FRMD4A: variants seen among roughly 807,000 people sequenced by gnomAD.
FRMD4A encodes FERM domain-containing protein 4A.
A neutral mutation model predicts 129.1 loss-of-function variants in FRMD4A; 29 were observed. The ratio of observed to expected loss-of-function variants is 0.22; its 90% CI spans 0.17 to 0.31. The LOEUF (loss-of-function observed/expected upper bound fraction) is 0.31. FRMD4A is among the 10% of genes least tolerant of loss of function. The probability of loss-of-function intolerance (pLI) is 1.00; values close to 1 mark genes in which losing one functional copy is unlikely to be tolerated. For synonymous variants in FRMD4A, 634 were observed against 571.6 expected, an observed-to-expected ratio of 1.11 and a Z score of -1.56; for missense variants, 1,272 against 1,375.8, an observed-to-expected ratio of 0.92 and a Z score of 1.19.
chr10:13,709,961 G>A (rs1200834322), intron 12 of FRMD4A, among the ~76,000 whole-genome samples: 1 of 152,058 alleles, frequency 6.6e-6, no homozygotes, highest in African/African-American at 2.4e-5. Flanking sequence ...TGATTTATGA[G>A]ATTTTGGTGT....
chr10:13,815,767 C>T (rs2093532540), intron 3 of FRMD4A, among the ~76,000 whole-genome samples: 1 of 152,170 alleles, frequency 6.6e-6, no homozygotes, highest in Non-Finnish European at 1.5e-5. Context: ...ATTTATACAT[C>T]AGTACTTTCA....
intron 8 of FRMD4A, among the ~76,000 whole-genome samples, chr10:13,757,483 T>C (rs1219875921): frequency 1.3e-5 from 2 of 152,266 alleles, no homozygotes; most frequent in Admixed American, 1.3e-4. Context: ...ATCATCTATC[T>C]AGATAACAGT....
At chr10:14,286,733 C>A (rs1845691906) in intron 2 of FRMD4A, among the ~76,000 whole-genome samples, 1 of 152,080 alleles carries the variant, frequency 6.6e-6, no homozygotes, top group African/African-American at 2.4e-5. Flanking sequence ...AGTATGAAAA[C>A]CCTGCATGTG....
intron 2 of FRMD4A, among the ~76,000 whole-genome samples, chr10:14,067,309 C>T (rs1034244171): frequency 6.6e-6 from 1 of 151,766 alleles, no homozygotes; most frequent in Non-Finnish European, 1.5e-5. Flanking sequence ...GAGAGAGAGA[C>T]TCCCTCTCAA....
chr10:14,294,413 A>G (rs10906647), intron 2 of FRMD4A, among the ~76,000 whole-genome samples: 49,081 of 152,090 alleles, frequency 0.32, 8,307 homozygotes, highest in Middle Eastern at 0.37. Context: ...AAGGCTTGAC[A>G]TAGATACAAT....
chr10:13,997,624 C>CTTT (rs775846641), intron 2 of FRMD4A, among the ~76,000 whole-genome samples: 8 of 86,152 alleles, frequency 9.3e-5, no homozygotes, highest in African/African-American at 2.1e-4. Flanking sequence ...CTTTTCTTTT[C>CTTT]TTTTTTTTTT....
chr10:13,782,970 A>T lies in FRMD4A; in HGVS notation c.336T>A (p.Asn112Lys). 1.3e-6 allele frequency: 2 copies of T among 1,511,496 alleles called. No individual in the cohort carries two copies. The highest frequency in any genetic ancestry group is 1.8e-6 in the Non-Finnish European group (2 of 1,086,160). 93.6% of individuals were successfully genotyped at this position (1,511,496 alleles called of 1,614,324 possible). A position where few individuals can be genotyped will look rare whatever the true frequency, so the allele number is the denominator to read the frequency against. The stretch of plus-strand genomic sequence containing the variant: ...TCAGAAAGAAAAGCTCAATGGTAGC[A>T]TTATCCTTCAGGTATGAAATGCTTT... ...YIESISYLKD[N>K]ATIELFFLNA... Residue 112 changes from asparagine (N) to lysine (K), a missense_variant, in exon 6 of 25, where the codon AAT becomes AAA. This residue lies in a region of FRMD4A where 300 missense variants were observed against 483.6 expected (regional missense o/e 0.62). Transcript: ENST00000357447.
At chr10:14,154,027 C>T (rs1402577149) in intron 2 of FRMD4A, among the ~76,000 whole-genome samples, 1 of 152,112 alleles carries the variant, frequency 6.6e-6, no homozygotes, top group African/African-American at 2.4e-5. Context: ...CCCTGCTTGG[C>T]CTCTTAGCTC....
chr10:13,701,508 C>G (rs780523590), intron 13 of FRMD4A, 30 bp from the exon 14 acceptor site: 8 of 1,601,468 alleles, frequency 5.0e-6, no homozygotes, highest in Non-Finnish European at 6.0e-6. Flanking sequence ...AAGGTTCAAT[C>G]CCATTTCTGT....
chr10:13,985,493 G>C (rs1207464486), intron 2 of FRMD4A, among the ~76,000 whole-genome samples: 1 of 152,242 alleles, frequency 6.6e-6, no homozygotes, highest in Non-Finnish European at 1.5e-5. Context: ...GTGGGTGTGA[G>C]TTCAGGTCAG....
intron 2 of FRMD4A, among the ~76,000 whole-genome samples, chr10:13,961,892 G>T (rs369608987): frequency 1.3e-4 from 20 of 152,218 alleles, no homozygotes; most frequent in African/African-American, 4.3e-4. Context: ...CATAGAGGGT[G>T]TTCATTAATT....
intron 2 of FRMD4A, among the ~76,000 whole-genome samples, chr10:14,255,812 C>A (rs1046051519): frequency 2.6e-5 from 4 of 152,028 alleles, no homozygotes; most frequent in African/African-American, 9.7e-5. Flanking sequence ...TCAAGACCAG[C>A]CTGACCAACA....
chr10:14,063,334 C>T (rs1360804816), intron 2 of FRMD4A, among the ~76,000 whole-genome samples: 1 of 152,142 alleles, frequency 6.6e-6, no homozygotes, highest in African/African-American at 2.4e-5. Context: ...TCAGATTCTT[C>T]CTCTAGCTTC....
At chr10:14,120,290 T>C (rs774712499) in intron 2 of FRMD4A, among the ~76,000 whole-genome samples, 3 of 152,068 alleles carry the variant, frequency 2.0e-5, no homozygotes, top group African/African-American at 4.8e-5. Context: ...CTCTGCCTAG[T>C]TTATTTCTTT....
intron 2 of FRMD4A, among the ~76,000 whole-genome samples, chr10:14,112,136 T>C (rs1411189828): frequency 6.6e-6 from 1 of 152,090 alleles, no homozygotes; most frequent in Non-Finnish European, 1.5e-5. Context: ...GTGAGCAGAC[T>C]CATTTGTCAG....
intron 2 of FRMD4A, among the ~76,000 whole-genome samples, chr10:14,245,869 T>A (rs555587445): frequency 6.6e-6 from 1 of 152,258 alleles, no homozygotes; most frequent in Middle Eastern, 3.4e-3. Flanking sequence ...AGCAAACTCA[T>A]ACAAGCTCCT....
At chr10:13,868,075 G>A (rs1409145299) in intron 2 of FRMD4A, among the ~76,000 whole-genome samples, 2 of 150,010 alleles carry the variant, frequency 1.3e-5, no homozygotes, top group South Asian at 2.1e-4. Context: ...GCAACATAGT[G>A]AGACCCCATC....
intron 5 of FRMD4A, among the ~76,000 whole-genome samples, chr10:13,783,547 A>ATT (rs57973701): frequency 6.9e-5 from 10 of 145,916 alleles, no homozygotes; most frequent in African/African-American, 1.5e-4. Flanking sequence ...ACCACGCCTA[A>ATT]TTTTTTTTTT....
chr10:14,000,364 G>A (rs770555551), intron 2 of FRMD4A, among the ~76,000 whole-genome samples: 16 of 151,930 alleles, frequency 1.1e-4, no homozygotes, highest in South Asian at 4.2e-4. Flanking sequence ...CATTTCCCCC[G>A]GGGCAGGTGT....
Sources: allele counts gnomAD v4.1 joint callset (sites outside exome capture counted in the v4.1 genomes callset), GRCh38; gene constraint gnomAD v4.1.1; regional missense constraint gnomAD v4.1.1; transcripts MANE v1.5; gene names NCBI Gene and HGNC (gene_info 2026-07-23, HGNC 2026-07-21).